CACNA2D3: variants seen among roughly 807,000 people sequenced by gnomAD.
CACNA2D3 encodes the protein calcium voltage-gated channel auxiliary subunit alpha2delta 3.
CACNA2D3 carries 60 observed loss-of-function variants against 160.6 expected under a neutral mutation model. The observed-to-expected ratio is 0.37, with a 90% CI of 0.30 to 0.46. The LOEUF (loss-of-function observed/expected upper bound fraction) is 0.46, where lower values mean the gene tolerates loss of function less well. CACNA2D3 is among the 20% of genes least tolerant of loss of function. The pLI, the probability that CACNA2D3 is intolerant of heterozygous loss-of-function variation, is 1.00. For synonymous variants in CACNA2D3, 558 were observed against 492.9 expected (o/e 1.13, Z -1.75); for missense variants, 1,205 against 1,365.0 (o/e 0.88, Z 1.85).
chr3:54,944,169 C>T (rs1488765861), intron 27 of CACNA2D3, among the ~76,000 whole-genome samples: 3 of 151,834 alleles, frequency 2.0e-5, no homozygotes, highest in Non-Finnish European at 2.9e-5. Flanking sequence ...AAGCTTTCTG[C>T]ATGTTCATTA....
chr3:54,953,788 G>T (rs1236132791), intron 27 of CACNA2D3, among the ~76,000 whole-genome samples: 1 of 152,110 alleles, frequency 6.6e-6, no homozygotes, highest in Admixed American at 6.6e-5. Context: ...GAGTGGGTGA[G>T]GGGGGTGCAC....
chr3:54,918,781 G>A, intron 27 of CACNA2D3: 1 of 1,614,108 alleles, frequency 6.2e-7, no homozygotes, highest in Non-Finnish European at 8.5e-7. Flanking sequence ...CGAGGACACT[G>A]GATCAGGAGC....
intron 2 of CACNA2D3, among the ~76,000 whole-genome samples, chr3:54,126,367 G>A (rs1255573632): frequency 6.6e-6 from 1 of 152,154 alleles, no homozygotes; most frequent in Non-Finnish European, 1.5e-5. Flanking sequence ...TAGCAGTATT[G>A]TTACTGACTT....
At position 54,642,244 on chromosome 3, in the gene CACNA2D3, A is replaced by G; in HGVS notation, c.1167+3A>G. On this transcript the variant is annotated splice_donor_region_variant and intron_variant, in intron 11 of 37. Transcript: ENST00000474759. ...AATACAATTGGCCAGATCGAAAGGT[A>G]AGTTGATGCTGATCCCGTCTGTGCG... is the stretch of plus-strand genomic sequence containing the variant. 1 of 1,578,088 alleles carries G rather than the reference A, an allele frequency of 6.3e-7. No individual in the cohort carries two copies. The highest frequency in any genetic ancestry group is 8.7e-7 in the Non-Finnish European group (1 of 1,150,566).
intron 2 of CACNA2D3, among the ~76,000 whole-genome samples, chr3:54,193,283 C>T (rs757924164): frequency 6.6e-6 from 1 of 152,150 alleles, no homozygotes; most frequent in South Asian, 2.1e-4. Flanking sequence ...CTCCAGGTGA[C>T]CCAGCAGCAG....
chr3:54,724,423 A>G (rs1029853505), intron 11 of CACNA2D3, among the ~76,000 whole-genome samples: 3 of 152,200 alleles, frequency 2.0e-5, no homozygotes, highest in Admixed American at 6.5e-5. Flanking sequence ...GGGACCTAAC[A>G]GATATCTACA....
At chr3:54,239,057 AT>A (rs940759487) in intron 2 of CACNA2D3, among the ~76,000 whole-genome samples, 123 of 152,296 alleles carry the variant, frequency 8.1e-4, no homozygotes, top group South Asian at 1.5e-3. Flanking sequence ...TTGTCAAAAT[AT>A]TATTATTTCA....
At chr3:54,984,792 G>C in intron 30 of CACNA2D3, 122 bp downstream of exon 30, 1 of 669,294 alleles carries the variant, frequency 1.5e-6, no homozygotes, top group Non-Finnish European at 2.6e-6. Context: ...AATAGCAGGA[G>C]ATTATAAAAC....
intron 30 of CACNA2D3, among the ~76,000 whole-genome samples, chr3:54,987,155 C>A (rs1029424365): frequency 6.6e-6 from 1 of 152,090 alleles, no homozygotes; most frequent in African/African-American, 2.4e-5. Flanking sequence ...CTGCCTATGA[C>A]AAAATGAAAG....
intron 5 of CACNA2D3, among the ~76,000 whole-genome samples, chr3:54,504,735 G>T (rs186635378): frequency 6.6e-6 from 1 of 152,194 alleles, no homozygotes; most frequent in Admixed American, 6.5e-5. Flanking sequence ...TCAAGAGCAA[G>T]GGCTATGGGT....
intron 29 of CACNA2D3, among the ~76,000 whole-genome samples, chr3:54,984,036 C>T (rs974743369): frequency 6.6e-6 from 1 of 152,198 alleles, no homozygotes; most frequent in African/African-American, 2.4e-5. Context: ...ATTAAAAACA[C>T]AGTTTGAAAA....
At chr3:54,606,660 G>T (rs1032869029) in intron 9 of CACNA2D3, among the ~76,000 whole-genome samples, 10 of 152,194 alleles carry the variant, frequency 6.6e-5, no homozygotes, top group Middle Eastern at 3.4e-3. Context: ...GTTGAATTCG[G>T]AGGCTCCCGC....
intron 2 of CACNA2D3, among the ~76,000 whole-genome samples, chr3:54,141,094 C>CGCGCGCGCGCGCGCACGT (rs768348036): frequency 0.021 from 1,717 of 81,718 alleles, 34 homozygotes; most frequent in African/African-American, 0.038. Flanking sequence ...TGTGCGCGCG[C>CGCGCGCGCGCGCGCACGT]GCGCGTGTGT....
At chr3:55,002,519 A>AGCT (rs2107134768) in intron 31 of CACNA2D3, among the ~76,000 whole-genome samples, 1 of 152,320 alleles carries the variant, frequency 6.6e-6, no homozygotes, top group East Asian at 1.9e-4. Flanking sequence ...GGTTAGTGCT[A>AGCT]GGGCTGTGTC....
At chr3:54,207,085 G>T (rs565239756) in intron 2 of CACNA2D3, among the ~76,000 whole-genome samples, 12 of 152,268 alleles carry the variant, frequency 7.9e-5, no homozygotes, top group African/African-American at 2.9e-4. Context: ...CCACTCACTG[G>T]CCAGAATCCC....
At chr3:54,339,818 A>G (rs558464793) in intron 3 of CACNA2D3, among the ~76,000 whole-genome samples, 3 of 152,366 alleles carry the variant, frequency 2.0e-5, no homozygotes, top group Admixed American at 1.3e-4. Flanking sequence ...AATTGAAACT[A>G]CTAATGGTAC....
intron 2 of CACNA2D3, among the ~76,000 whole-genome samples, chr3:54,146,817 C>T (rs1576958077): frequency 6.6e-6 from 1 of 152,262 alleles, no homozygotes; most frequent in East Asian, 1.9e-4. Context: ...GATTGCCACA[C>T]TTTGTCACAG....
At chr3:54,727,813 C>T (rs556813651) in intron 11 of CACNA2D3, among the ~76,000 whole-genome samples, 16 of 152,102 alleles carry the variant, frequency 1.1e-4, no homozygotes, top group African/African-American at 2.2e-4. Flanking sequence ...ATGTAGGTGA[C>T]GGGTTGATGG....
intron 4 of CACNA2D3, among the ~76,000 whole-genome samples, chr3:54,489,620 A>C (rs1400856584): frequency 2.0e-5 from 3 of 152,248 alleles, no homozygotes; most frequent in African/African-American, 7.2e-5. Context: ...GCTGTAGATA[A>C]GGAGCAGAGC....
Sources: gnomAD v4.1 joint callset for allele counts (sites outside exome capture counted in the v4.1 genomes callset) on GRCh38, gnomAD v4.1.1 for gene constraint, MANE v1.5 for transcripts, NCBI Gene and HGNC (gene_info 2026-07-23, HGNC 2026-07-21) for gene names.